The following HDAC9 variants were observed in gnomAD, a reference collection of about 807,000 sequenced individuals.
HDAC9 encodes the protein MEF-2 interacting transcription repressor (MITR) protein.
In HDAC9, 41 loss-of-function variants were observed where a neutral mutation model predicts 139.4. The ratio of observed to expected loss-of-function variants is 0.29; its 90% CI spans 0.23 to 0.38. HDAC9 has a LOEUF of 0.38. Among genes scored for constraint, HDAC9 ranks in the 10% least tolerant of loss-of-function variants. HDAC9 has a pLI of 1.00. For missense variants in HDAC9, 1,147 were observed against 1,297.0 expected (o/e 0.88, Z 1.78); for synonymous variants, 517 against 476.2 (o/e 1.09, Z -1.12).
intron 1 of HDAC9, among the ~76,000 whole-genome samples, chr7:18,361,255 A>G (rs1225933021): frequency 6.6e-6 from 1 of 152,168 alleles, no homozygotes; most frequent in African/African-American, 2.4e-5. Flanking sequence ...TTCTCCTAAA[A>G]TATTAAATTC....
intron 12 of HDAC9, among the ~76,000 whole-genome samples, chr7:18,725,101 G>C (rs1785438073): frequency 6.6e-6 from 1 of 152,152 alleles, no homozygotes. Context: ...ACATATCCAT[G>C]AGACACAGCA....
chr7:18,373,391 C>T (rs549029735), intron 1 of HDAC9, among the ~76,000 whole-genome samples: 2 of 152,028 alleles, frequency 1.3e-5, no homozygotes, highest in Non-Finnish European at 2.9e-5. Flanking sequence ...GCTTAAGTAT[C>T]CTTCATTTAT....
At chr7:18,302,293 G>A (rs1192397000) in intron 1 of HDAC9, among the ~76,000 whole-genome samples, 1 of 152,096 alleles carries the variant, frequency 6.6e-6, no homozygotes, top group Non-Finnish European at 1.5e-5. Context: ...GGACTTACTT[G>A]GCATATGTAG....
chr7:18,787,131 T>C (rs918661566), intron 16 of HDAC9, among the ~76,000 whole-genome samples: 1 of 152,168 alleles, frequency 6.6e-6, no homozygotes, highest in African/African-American at 2.4e-5. Context: ...CCCTATTAGA[T>C]AGACAGGACT....
intron 2 of HDAC9, among the ~76,000 whole-genome samples, chr7:18,566,476 G>T (rs1045804072): frequency 6.6e-6 from 1 of 152,140 alleles, no homozygotes; most frequent in Non-Finnish European, 1.5e-5. Context: ...TTTTGCATGA[G>T]ATATACTTTC....
At position 18,835,581 on chromosome 7, in the gene HDAC9, A is replaced by C. The variant is rs375563957; in HGVS notation, c.2581A>C (p.Asn861His). ...CTTTTTCCCTGGCAGTGGAGCCCCA[A>C]ATGAGGTTCGGTTTATTTCTTTAGA... Reference protein sequence around the residue: ...GNFFPGSGAPNEVGTGLGEGY... With the variant: ...GNFFPGSGAPHEVGTGLGEGY... The change falls in exon 20 of 26, where the codon AAT becomes CAT. Residue 861 changes from asparagine (N) to histidine (H), a missense_variant. Physicochemically the swap from Asn to His is moderately conservative, Grantham distance 68. This residue lies in a region of HDAC9 where 407 missense variants were observed against 521.5 expected (regional missense o/e 0.78). Transcript: ENST00000686413. 10 of 1,613,566 alleles carry C rather than the reference A, an allele frequency of 6.2e-6. No homozygotes were observed. Among genetic ancestry groups the C allele is most frequent in the Non-Finnish European group, 7.6e-6 (9 of 1,179,678 alleles).
intron 11 of HDAC9, among the ~76,000 whole-genome samples, chr7:18,662,589 T>G (rs567323289): frequency 6.6e-6 from 1 of 152,008 alleles, no homozygotes; most frequent in Non-Finnish European, 1.5e-5. Flanking sequence ...TGCAGACATT[T>G]CACTCATTGC....
chr7:18,103,941 T>G (rs929793442), intron 1 of HDAC9, among the ~76,000 whole-genome samples: 19 of 152,184 alleles, frequency 1.2e-4, no homozygotes, highest in African/African-American at 4.3e-4. Context: ...ATCCCAGCAG[T>G]TCAGGGCACC....
chr7:18,154,668 C>T (rs943372776), intron 1 of HDAC9, among the ~76,000 whole-genome samples: 5 of 152,116 alleles, frequency 3.3e-5, no homozygotes, highest in East Asian at 3.9e-4. Flanking sequence ...CTTTGCTCAA[C>T]GTGGGGATTA....
intron 14 of HDAC9, among the ~76,000 whole-genome samples, chr7:18,756,025 T>C (rs1788846864): frequency 6.6e-6 from 1 of 152,108 alleles, no homozygotes. Flanking sequence ...TAACACGTGG[T>C]TCTTGACCTA....
At chr7:18,347,604 C>T (rs535442840) in intron 1 of HDAC9, among the ~76,000 whole-genome samples, 33 of 151,936 alleles carry the variant, frequency 2.2e-4, no homozygotes, top group African/African-American at 7.7e-4. Flanking sequence ...TTTTATCTTA[C>T]GTTATTTTAT....
rs568519885 is a variant in HDAC9 at position 18,805,953 on chromosome 7, T to C, written c.2322+12501T>C. Among the ~76,000 whole-genome samples the C allele has an allele frequency of 3.3e-5, 5 of 152,322 alleles. No individual in the cohort carries two copies. The South Asian group carries it at 8.3e-4, about 25-fold the overall frequency. On this transcript the variant is annotated intron_variant, in intron 17 of 25. Transcript: ENST00000686413. Reference sequence around the variant, plus strand: ...CTCCTCTCCCCAACACACAGAGATGTACACATCACATTTGCCCACTGCTGG... The same window carrying C: ...CTCCTCTCCCCAACACACAGAGATGCACACATCACATTTGCCCACTGCTGG...
chr7:18,459,885 G>C lies in HDAC9; in HGVS notation c.-41-36377G>C, dbSNP rs151237496. On this transcript the variant is annotated intron_variant, in intron 1 of 3. Transcript: ENST00000413509. ...TTATATCAAGTATTTCAGATAGTCA[G>C]TTTGCATACTGCTTATGGATGAAGT... Among the ~76,000 whole-genome samples, 64 of 150,606 alleles carry C rather than the reference G, an allele frequency of 4.2e-4. No individual in the cohort carries two copies. In the East Asian group the frequency reaches 0.01, roughly 24 times the overall value.
In HDAC9 at chr7:18,727,666, C is replaced by T. The variant is rs1160089185; in HGVS notation, c.1818C>T (p.His606=). 2.5e-6 allele frequency: 4 copies of T among 1,593,372 alleles called. No individual in the cohort carries two copies. Among genetic ancestry groups the T allele is most frequent in the South Asian group, 1.1e-5 (1 of 87,656 alleles). ...AAVGMDGLEK[H]RLVSRTHSSP... is the part of the protein sequence containing the mutation. ...TTGGCATGGATGGATTAGAGAAACACCGTCTCGTCTCCAGGACTCACTCTT... is the reference window on the plus strand; with the variant it reads ...TTGGCATGGATGGATTAGAGAAACATCGTCTCGTCTCCAGGACTCACTCTT... Residue 606 remains histidine (H), a synonymous_variant, in exon 13 of 26, where the codon CAC becomes CAT. Coordinates refer to ENST00000686413, the MANE Select transcript of HDAC9 (RefSeq NM_178425.4).
At chr7:18,188,647 C>A (rs1021085548) in intron 2 of HDAC9, among the ~76,000 whole-genome samples, 1 of 152,090 alleles carries the variant, frequency 6.6e-6, no homozygotes, top group Non-Finnish European at 1.5e-5. Context: ...AACATATTTA[C>A]AAGAAAAAGA....
At chr7:18,964,467 A>G (rs1476228408) in intron 24 of HDAC9, among the ~76,000 whole-genome samples, 1 of 152,222 alleles carries the variant, frequency 6.6e-6, no homozygotes, top group Non-Finnish European at 1.5e-5. Context: ...GCAACCTGTA[A>G]GATCTATGAA....
chr7:18,874,402 C>T, intron 21 of HDAC9, 76 bp from the exon 22 acceptor site: 1 of 774,050 alleles, frequency 1.3e-6, no homozygotes, highest in African/African-American at 1.7e-5. Context: ...ATTGTTGTGC[C>T]AGGTCGTTTT....
intron 22 of HDAC9, among the ~76,000 whole-genome samples, chr7:18,880,892 T>C (rs1799690662): frequency 6.7e-6 from 1 of 149,226 alleles, no homozygotes; most frequent in Admixed American, 6.6e-5. Context: ...AATTACCATC[T>C]TTTTTTTAAA....
chr7:18,386,442 T>C (rs185295767), intron 1 of HDAC9, among the ~76,000 whole-genome samples: 74 of 152,326 alleles, frequency 4.9e-4, no homozygotes, highest in Non-Finnish European at 1.6e-4. Flanking sequence ...TAATGTTATT[T>C]TGCAATGGCC....
Sources: gnomAD v4.1 joint callset for allele counts (sites outside exome capture counted in the v4.1 genomes callset) on GRCh38, gnomAD v4.1.1 for gene constraint, gnomAD v4.1.1 regional missense constraint, MANE v1.5 for transcripts, NCBI Gene and HGNC (gene_info 2026-07-23, HGNC 2026-07-21) for gene names.